Variants in THSD4 observed in about 807,000 individuals in gnomAD.
The protein encoded by THSD4 is thrombospondin type 1 domain containing 4.
In THSD4, 69 loss-of-function variants were observed where a neutral mutation model predicts 119.0. That is an observed-to-expected ratio of 0.58 (90% CI 0.48 to 0.71). The LOEUF is 0.71. Among genes scored for constraint, THSD4 ranks in the 30% least tolerant of loss-of-function variants. The pLI is 0.00. For synonymous variants in THSD4, 524 were observed against 540.4 expected (o/e 0.97, Z 0.42); for missense variants, 1,393 against 1,391.1 (o/e 1.00, Z -0.02).
At chr15:71,235,331 C>G (rs2044094888) in intron 4 of THSD4, among the ~76,000 whole-genome samples, 1 of 152,128 alleles carries the variant, frequency 6.6e-6, no homozygotes, top group South Asian at 2.1e-4. Context: ...GTTCAAAGTG[C>G]AAATGTGGCA....
intron 7 of THSD4, among the ~76,000 whole-genome samples, chr15:71,590,847 CA>C (rs1025992517): frequency 2.0e-5 from 3 of 149,448 alleles, no homozygotes; most frequent in Admixed American, 6.6e-5. Context: ...ACTAAAAATA[CA>C]AAAAAAAATT....
At chr15:71,116,245 C>G (rs1452435592) in intron 1 of THSD4, among the ~76,000 whole-genome samples, 3 of 152,248 alleles carry the variant, frequency 2.0e-5, no homozygotes, top group Non-Finnish European at 4.4e-5. Context: ...GCCTGGAGCC[C>G]GAGTGGATGG....
chr15:71,370,399 C>T (rs950457222), intron 6 of THSD4, among the ~76,000 whole-genome samples: 1 of 152,162 alleles, frequency 6.6e-6, no homozygotes, highest in Admixed American at 6.5e-5. Flanking sequence ...GATCTTTCCT[C>T]CTTTCTCTTG....
At chr15:71,698,518 T>C (rs1289934319) in intron 8 of THSD4, among the ~76,000 whole-genome samples, 1 of 151,626 alleles carries the variant, frequency 6.6e-6, no homozygotes, top group African/African-American at 2.4e-5. Context: ...CTGATTTCAA[T>C]TGAGATCAGT....
chr15:71,112,439 T>C, upstream of THSD4: 1 of 445,082 alleles, frequency 2.2e-6, no homozygotes, highest in Non-Finnish European at 3.8e-6. Context: ...CTTTAGGAGC[T>C]GCCTCTAGGG....
chr15:71,486,238 T>C (rs929288906), intron 7 of THSD4, among the ~76,000 whole-genome samples: 4 of 152,154 alleles, frequency 2.6e-5, no homozygotes, highest in African/African-American at 7.2e-5. Flanking sequence ...TTCTGCCTCA[T>C]TGGAGATATT....
chr15:71,357,731 T>C (rs2045839172), intron 6 of THSD4, among the ~76,000 whole-genome samples: 1 of 152,074 alleles, frequency 6.6e-6, no homozygotes, highest in Non-Finnish European at 1.5e-5. Flanking sequence ...GGACAGAGAT[T>C]AGGGAAGGAT....
intron 6 of THSD4, among the ~76,000 whole-genome samples, chr15:71,356,716 C>G (rs188722895): frequency 1.0e-3 from 158 of 152,236 alleles, no homozygotes; most frequent in African/African-American, 3.4e-3. Flanking sequence ...ATGCAGGGTG[C>G]TGCCCTCTCT....
chr15:71,636,327 G>A (rs1415365695), intron 7 of THSD4, among the ~76,000 whole-genome samples: 4 of 152,118 alleles, frequency 2.6e-5, no homozygotes, highest in Non-Finnish European at 1.5e-5. Flanking sequence ...GGAGGCTGAG[G>A]CATGAGAATC....
At position 71,778,129 on chromosome 15, in the gene THSD4, G is replaced by C. The variant is rs184700260; in HGVS notation, c.*755G>C. The stretch of plus-strand genomic sequence containing the variant: ...GAGTCCCCGCCCCAGTCATCTACCA[G>C]TATCCAGCCTGGGGCCTGTACTTAG... On this transcript the variant is annotated 3_prime_UTR_variant, in exon 18 of 18. Coordinates refer to ENST00000261862, the MANE Select transcript of THSD4 (RefSeq NM_024817.3). 2 of 152,366 alleles carry C rather than the reference G, an allele frequency of 1.3e-5. No individual in the cohort carries two copies. Among genetic ancestry groups the C allele is most frequent in the Admixed American group, 1.3e-4 (2 of 15,306 alleles). 9.4% of individuals were successfully genotyped at this position (152,366 alleles called of 1,614,324 possible).
chr15:71,237,032 G>A (rs959432750), intron 4 of THSD4, among the ~76,000 whole-genome samples: 3 of 152,226 alleles, frequency 2.0e-5, no homozygotes, highest in African/African-American at 7.2e-5. Flanking sequence ...GGAGAATAAA[G>A]TCCCTTGGCC....
chr15:71,136,637 G>A (rs530475467), intron 1 of THSD4, among the ~76,000 whole-genome samples: 14 of 152,018 alleles, frequency 9.2e-5, no homozygotes, highest in Admixed American at 2.0e-4. Context: ...GCTTTAGGCT[G>A]CGGGAGTTCC....
intron 7 of THSD4, among the ~76,000 whole-genome samples, chr15:71,549,188 G>GA (rs2048888469): frequency 6.6e-6 from 1 of 152,224 alleles, no homozygotes; most frequent in Non-Finnish European, 1.5e-5. Flanking sequence ...TTTGTCTTAT[G>GA]AGTTAAAAGT....
intron 1 of THSD4, among the ~76,000 whole-genome samples, chr15:71,118,526 C>T (rs972604409): frequency 7.9e-5 from 12 of 152,276 alleles, no homozygotes; most frequent in African/African-American, 2.9e-4. Flanking sequence ...GAGCAGCCTC[C>T]TTGGGCCTCT....
chr15:71,704,396 T>C (rs1415048699), intron 8 of THSD4, among the ~76,000 whole-genome samples: 4 of 152,174 alleles, frequency 2.6e-5, no homozygotes, highest in African/African-American at 9.7e-5. Context: ...CTTGCTGTTG[T>C]GACAGTGAAT....
intron 7 of THSD4, among the ~76,000 whole-genome samples, chr15:71,486,174 T>C (rs962273620): frequency 6.6e-6 from 1 of 152,082 alleles, no homozygotes; most frequent in Non-Finnish European, 1.5e-5. Flanking sequence ...TTTCTCGGAG[T>C]CAGAGTTGAA....
chr15:71,700,959 G>A (rs914606499), intron 8 of THSD4, among the ~76,000 whole-genome samples: 8 of 152,036 alleles, frequency 5.3e-5, no homozygotes, highest in African/African-American at 1.9e-4. Context: ...TTTAAATTTT[G>A]TGGTGAGGAG....
chr15:71,557,896 T>C (rs2049044833), intron 7 of THSD4, among the ~76,000 whole-genome samples: 1 of 152,236 alleles, frequency 6.6e-6, no homozygotes, highest in African/African-American at 2.4e-5. Flanking sequence ...CTGTAAATTT[T>C]ACTAATCTTC....
chr15:71,467,306 A>T (rs1401905279), intron 7 of THSD4, among the ~76,000 whole-genome samples: 1 of 152,234 alleles, frequency 6.6e-6, no homozygotes, highest in African/African-American at 2.4e-5. Flanking sequence ...AGACAGATTG[A>T]CAAGAGAAGT....
Sources: allele counts gnomAD v4.1 joint callset (sites outside exome capture counted in the v4.1 genomes callset), GRCh38; gene constraint gnomAD v4.1.1; transcripts MANE v1.5; gene names NCBI Gene and HGNC (gene_info 2026-07-23, HGNC 2026-07-21).